Variants in NBAS observed in about 807,000 individuals in gnomAD.
NBAS encodes the protein NAG/BC035112 fusion.
NBAS carries 219 observed loss-of-function variants against 302.5 expected under a neutral mutation model. The observed-to-expected ratio is 0.72, with a 90% CI of 0.65 to 0.81. The LOEUF is 0.81. Among genes scored for constraint, NBAS ranks in the 30% least tolerant of loss-of-function variants. NBAS has a pLI of 0.00. For synonymous variants in NBAS, 1,118 were observed against 1,021.6 expected (o/e 1.09, Z -1.80); for missense variants, 2,932 against 2,841.6 (o/e 1.03, Z -0.72).
At chr2:14,900,312 G>A in the NBAS span, among the ~76,000 whole-genome samples, 1 of 152,030 alleles carries the variant, frequency 6.6e-6, no homozygotes, top group Non-Finnish European at 1.5e-5. Context: ...CAGAAAAAAG[G>A]CATGAATGAC....
intron 42 of NBAS, 140 bp from the exon 43 acceptor site, chr2:15,277,241 GCCAGTCAGCCTGAATAAAGGAAAACA>G: frequency 9.5e-7 from 1 of 1,049,958 alleles, no homozygotes; most frequent in East Asian, 2.6e-5. Context: ...ACCACCAGAA[GCCAGTCAGCCTGAATAAAGGAAAACA>G]AATGTGTTAG....
rs1199910601 is a variant in NBAS at position 15,440,841 on chromosome 2, G to A, written c.2340-13047C>T. Among the ~76,000 whole-genome samples the A allele has an allele frequency of 3.9e-5, 6 of 151,908 alleles. No individual in the cohort carries two copies. In the East Asian group the frequency reaches 1.2e-3, roughly 30 times the overall value. On this transcript the variant is annotated intron_variant, in intron 21 of 51. Coordinates refer to ENST00000281513, the MANE Select transcript of NBAS (RefSeq NM_015909.4). ...CTGATGGAGCTGAAAGCCAAGGCTG[G>A]AGAACTACGTGAAGAATGCAGAAGC...
the NBAS span, among the ~76,000 whole-genome samples, chr2:14,949,515 T>C: frequency 1.3e-5 from 2 of 152,032 alleles, no homozygotes; most frequent in African/African-American, 4.8e-5. Flanking sequence ...ATCAGAGAAA[T>C]GAAAATCAAA....
intron 3 of NBAS, among the ~76,000 whole-genome samples, chr2:15,555,988 T>A (rs1367282342): frequency 6.7e-6 from 1 of 150,076 alleles, no homozygotes; most frequent in Non-Finnish European, 1.5e-5. Flanking sequence ...CTCCTTCCAC[T>A]CTCTCTTCCT....
intron 21 of NBAS, among the ~76,000 whole-genome samples, chr2:15,438,468 A>G (rs187902679): frequency 2.0e-5 from 3 of 152,346 alleles, no homozygotes; most frequent in Admixed American, 2.0e-4. Flanking sequence ...ATGGAGTAAC[A>G]GGAACAGTAA....
chr2:14,808,924 C>A, the NBAS span, among the ~76,000 whole-genome samples: 6 of 152,122 alleles, frequency 3.9e-5, no homozygotes, highest in Admixed American at 6.5e-5. Flanking sequence ...GGACCTGGAG[C>A]AAAGATGACT....
intron 1 of NBAS, among the ~76,000 whole-genome samples, chr2:15,560,245 A>G (rs915483757): frequency 2.0e-5 from 3 of 152,112 alleles, no homozygotes; most frequent in African/African-American, 7.2e-5. Flanking sequence ...ATGGATCCAA[A>G]AAATAATAAT....
At chr2:15,280,654 T>C (rs1265916186) in intron 42 of NBAS, among the ~76,000 whole-genome samples, 1 of 152,196 alleles carries the variant, frequency 6.6e-6, no homozygotes, top group Non-Finnish European at 1.5e-5. Context: ...ATGAAGCTGA[T>C]ATTTTCACGT....
the NBAS span, among the ~76,000 whole-genome samples, chr2:14,888,545 C>T: frequency 6.6e-6 from 1 of 152,030 alleles, no homozygotes; most frequent in African/African-American, 2.4e-5. Context: ...GACCATTCTC[C>T]CCTTCTTTTT....
chr2:15,430,484 C>A (rs528575263), intron 21 of NBAS, among the ~76,000 whole-genome samples: 13 of 152,296 alleles, frequency 8.5e-5, no homozygotes, highest in Non-Finnish European at 1.6e-4. Flanking sequence ...CTACTATGGA[C>A]TAGGCCCAAT....
chr2:15,355,299 G>C (rs917501288), intron 33 of NBAS, among the ~76,000 whole-genome samples: 2 of 151,960 alleles, frequency 1.3e-5, no homozygotes, highest in African/African-American at 4.8e-5. Flanking sequence ...TGACAATTTA[G>C]TACAGAGCCC....
chr2:15,557,635 G>C (rs1243145586), intron 2 of NBAS, among the ~76,000 whole-genome samples: 1 of 152,144 alleles, frequency 6.6e-6, no homozygotes, highest in Non-Finnish European at 1.5e-5. Context: ...CTTAACTTCT[G>C]TGAAAATGAA....
chr2:15,252,104 T>G (rs1237281323), intron 44 of NBAS, among the ~76,000 whole-genome samples: 1 of 152,196 alleles, frequency 6.6e-6, no homozygotes, highest in Non-Finnish European at 1.5e-5. Context: ...CACCAGAGGT[T>G]TTAGCTAATG....
the NBAS span, among the ~76,000 whole-genome samples, chr2:14,954,988 A>C: frequency 6.6e-6 from 1 of 152,160 alleles, no homozygotes; most frequent in Admixed American, 6.5e-5. Flanking sequence ...TCCAGCATTA[A>C]CCCTAAGGTT....
chr2:14,995,304 T>C, the NBAS span, among the ~76,000 whole-genome samples: 1 of 152,048 alleles, frequency 6.6e-6, no homozygotes, highest in Non-Finnish European at 1.5e-5. Context: ...AGTGAGAACA[T>C]GTGGTGTTTG....
At chr2:15,002,522 C>G in the NBAS span, among the ~76,000 whole-genome samples, 1 of 152,200 alleles carries the variant, frequency 6.6e-6, no homozygotes, top group African/African-American at 2.4e-5. Context: ...GCCAGTCCCA[C>G]GCCGTGCGCC....
the NBAS span, among the ~76,000 whole-genome samples, chr2:15,066,855 A>G: frequency 6.6e-6 from 1 of 152,206 alleles, no homozygotes; most frequent in Non-Finnish European, 1.5e-5. Flanking sequence ...ACTTCTAAGT[A>G]TACCATCAAA....
At chr2:15,320,994 A>G (rs1052079633) in intron 38 of NBAS, among the ~76,000 whole-genome samples, 5 of 152,328 alleles carry the variant, frequency 3.3e-5, no homozygotes, top group African/African-American at 1.2e-4. Context: ...ACTTCAAACT[A>G]TACTACAAGG....
At chr2:15,497,253 A>G (rs1393647535) in intron 11 of NBAS, among the ~76,000 whole-genome samples, 2 of 152,200 alleles carry the variant, frequency 1.3e-5, no homozygotes, top group East Asian at 3.8e-4. Context: ...GGCTTTCTTC[A>G]AGCAAGAAAA....
Sources: allele counts gnomAD v4.1 joint callset (sites outside exome capture counted in the v4.1 genomes callset), GRCh38; gene constraint gnomAD v4.1.1; transcripts MANE v1.5; gene names NCBI Gene and HGNC (gene_info 2026-07-23, HGNC 2026-07-21).